Variants in VAX2 observed in about 807,000 individuals in gnomAD.
VAX2 encodes the protein ventral anterior homeobox 2.
In VAX2, 8 loss-of-function variants were observed where a neutral mutation model predicts 12.5. The observed-to-expected ratio is 0.64, with a 90% CI of 0.37 to 1.15. The LOEUF is 1.15. Among genes scored for constraint, VAX2 ranks in the 50% most tolerant of loss-of-function variants. The pLI is 0.01. For synonymous variants in VAX2, 183 were observed against 187.6 expected (o/e 0.98, Z 0.20); for missense variants, 476 against 412.9 (o/e 1.15, Z -1.32).
chr2:70,902,279 C>T (rs1388980395), intron 1 of VAX2, among the ~76,000 whole-genome samples: 5 of 152,190 alleles, frequency 3.3e-5, no homozygotes, highest in African/African-American at 1.2e-4. Context: ...GGGAAACATT[C>T]CTGGTGCCAG....
rs1206125519 is a variant in VAX2 at position 70,904,315 on chromosome 2, A to C, written c.247+3447A>C. Among the ~76,000 whole-genome samples the C allele has an allele frequency of 1.3e-5, 2 of 152,212 alleles. No homozygotes were observed. Among genetic ancestry groups the C allele is most frequent in the East Asian group, 3.9e-4 (2 of 5,192 alleles). On this transcript the variant is annotated intron_variant, in intron 1 of 2. Coordinates refer to ENST00000234392, the MANE Select transcript of VAX2 (RefSeq NM_012476.3). The surrounding 1 kb of genome is among the most constrained non-coding windows in gnomAD (Gnocchi z 4.2). ...AAACAGCACAGGGCAGTGGCCGAGC[A>C]CCAGGCTTTTCGGTGGAGCTGGGAT...
At chr2:70,924,652 G>T (rs1553413314) in intron 2 of VAX2, among the ~76,000 whole-genome samples, 1 of 152,138 alleles carries the variant, frequency 6.6e-6, no homozygotes, top group Non-Finnish European at 1.5e-5. Flanking sequence ...TAAGCAAACT[G>T]AGCCTCAGAG....
intron 1 of VAX2, among the ~76,000 whole-genome samples, chr2:70,914,718 T>C (rs1279808497): frequency 6.6e-6 from 1 of 152,210 alleles, no homozygotes; most frequent in African/African-American, 2.4e-5. Flanking sequence ...TCCTTTCATA[T>C]GTTTATTGGC....
chr2:70,932,012 G>A (rs1179582201), intron 2 of VAX2, among the ~76,000 whole-genome samples: 4 of 152,206 alleles, frequency 2.6e-5, no homozygotes, highest in Admixed American at 6.5e-5. Flanking sequence ...AGGTTCCCCC[G>A]TTCTGAGTTT....
intron 1 of VAX2, among the ~76,000 whole-genome samples, chr2:70,920,491 G>A (rs1323348583): frequency 1.3e-5 from 2 of 152,158 alleles, no homozygotes; most frequent in Admixed American, 1.3e-4. Context: ...GCATCCAGCA[G>A]CCTGATATGG....
At chr2:70,910,661 T>A (rs577171739) in intron 1 of VAX2, among the ~76,000 whole-genome samples, 2 of 152,174 alleles carry the variant, frequency 1.3e-5, no homozygotes, top group Admixed American at 1.3e-4. Flanking sequence ...TTTTCATATA[T>A]TTAGCCATTT....
intron 2 of VAX2, among the ~76,000 whole-genome samples, chr2:70,927,133 T>C (rs1679591689): frequency 1.3e-5 from 2 of 152,158 alleles, no homozygotes; most frequent in South Asian, 4.1e-4. Context: ...TTTTGTTTTT[T>C]CAGCACCTGG....
intron 1 of VAX2, among the ~76,000 whole-genome samples, chr2:70,912,437 A>G (rs1679207921): frequency 6.6e-6 from 1 of 152,052 alleles, no homozygotes; most frequent in African/African-American, 2.4e-5. Context: ...CAGAGGGGGC[A>G]GATCACTTGA....
intron 1 of VAX2, among the ~76,000 whole-genome samples, chr2:70,909,312 C>T (rs1169288752): frequency 9.2e-5 from 14 of 151,940 alleles, no homozygotes; most frequent in Non-Finnish European, 1.6e-4. Context: ...ACTATAGGCA[C>T]TCCCCACAAT....
chr2:70,907,298 G>C (rs1373399793), intron 1 of VAX2, among the ~76,000 whole-genome samples: 1 of 152,278 alleles, frequency 6.6e-6, no homozygotes, highest in Non-Finnish European at 1.5e-5. Flanking sequence ...GGCTGGAGCG[G>C]AGGTCTTGGG....
chr2:70,931,663 T>G (rs1221266593), intron 2 of VAX2, among the ~76,000 whole-genome samples: 1 of 152,208 alleles, frequency 6.6e-6, no homozygotes, highest in Non-Finnish European at 1.5e-5. Flanking sequence ...GTGTCCAGTT[T>G]CAGAATTCCC....
chr2:70,908,723 A>G (rs576644922), intron 1 of VAX2, among the ~76,000 whole-genome samples: 46 of 152,352 alleles, frequency 3.0e-4, no homozygotes, highest in African/African-American at 9.6e-4. Flanking sequence ...TGAAATTTGC[A>G]AGATAATGCC....
rs1679009185 is a variant in VAX2, at chr2:70,904,640, G to A, written c.247+3772G>A. ...CTCCGAACCCCTGTGTCTGGGAGCA[G>A]TAGGGTGGGATGACTGCAGGATCCC... On this transcript the variant is annotated intron_variant, in intron 1 of 2. Coordinates refer to ENST00000234392, the MANE Select transcript of VAX2 (RefSeq NM_012476.3). The surrounding 1 kb of genome is among the most constrained non-coding windows in gnomAD (Gnocchi z 4.2). Among the ~76,000 whole-genome samples the A allele has an allele frequency of 6.6e-6, 1 of 152,212 alleles. No individual in the cohort carries two copies. Among genetic ancestry groups the A allele is most frequent in the Non-Finnish European group, 1.5e-5 (1 of 68,034 alleles).
intron 1 of VAX2, among the ~76,000 whole-genome samples, chr2:70,917,316 T>C (rs1229631759): frequency 1.0e-5 from 1 of 96,734 alleles, no homozygotes; most frequent in African/African-American, 4.2e-5. Context: ...AGCGAGACTC[T>C]ATCTCCAAAT....
Position 70,900,691 on chromosome 2 carries a change from C to G in VAX2, c.70C>G (p.Arg24Gly), listed in dbSNP as rs2234496. Residue 24 changes from arginine (R) to glycine (G), a missense_variant, in exon 1 of 3, where the codon CGC becomes GGC. Arg to Gly is a moderately radical substitution (Grantham distance 125, BLOSUM62 -2). Coordinates refer to ENST00000234392, the MANE Select transcript of VAX2 (RefSeq NM_012476.3). ...RRAESGGGGG[R>G]CGDRSGAGDL... is the part of the protein sequence containing the mutation. ...GGCGGAGTCTGGTGGCGGCGGTGGG[C>G]GCTGCGGAGACCGCAGCGGAGCGGG... 1.8e-3 allele frequency: 2,447 copies of G among 1,326,858 alleles called. 41 individuals carry two copies. In the African/African-American group the frequency reaches 0.034, roughly 18 times the overall value. The allele number at this position is 1,326,858 out of a possible 1,614,324, so 82.2% of individuals were successfully genotyped here.
At chr2:70,931,214 T>A (rs1279271240) in intron 2 of VAX2, among the ~76,000 whole-genome samples, 1 of 152,200 alleles carries the variant, frequency 6.6e-6, no homozygotes, top group Admixed American at 6.5e-5. Context: ...TGTTGGGTAG[T>A]AGAGGCAGGG....
intron 1 of VAX2, among the ~76,000 whole-genome samples, chr2:70,914,057 C>A (rs1427373727): frequency 1.3e-5 from 2 of 152,158 alleles, no homozygotes; most frequent in Non-Finnish European, 2.9e-5. Flanking sequence ...AGGATGCTTT[C>A]AAATTTTTGG....
chr2:70,932,811 C>A lies in VAX2; in HGVS notation c.480C>A (p.Asp160Glu). ...FQNRRTKQKKDQSRDLEKRAS... is the reference protein window; with the variant it reads ...FQNRRTKQKKEQSRDLEKRAS... ...ACCGCCGCACCAAGCAGAAGAAAGA[C>A]CAGAGCAGAGACCTGGAGAAGCGGG... is the stretch of plus-strand genomic sequence containing the variant. The change falls in exon 3 of 3, where the codon GAC (aspartate) becomes GAA (glutamate). Residue 160 changes from aspartate (D) to glutamate (E), a missense_variant. By Grantham distance (45) the Asp-to-Glu change is conservative. Coordinates refer to ENST00000234392, the MANE Select transcript of VAX2 (RefSeq NM_012476.3). 1 of 1,606,812 alleles carries A rather than the reference C, an allele frequency of 6.2e-7. No individual in the cohort carries two copies. Among genetic ancestry groups the A allele is most frequent in the Non-Finnish European group, 8.5e-7 (1 of 1,176,460 alleles).
chr2:70,902,386 G>T (rs1313200764), intron 1 of VAX2, among the ~76,000 whole-genome samples: 1 of 152,242 alleles, frequency 6.6e-6, no homozygotes, highest in African/African-American at 2.4e-5. Context: ...GTGTGGACCT[G>T]TTGGGCACCA....
Sources: gnomAD v4.1 joint callset for allele counts (sites outside exome capture counted in the v4.1 genomes callset) on GRCh38, gnomAD v4.1.1 for gene constraint, Gnocchi (gnomAD v3.1) non-coding constraint, MANE v1.5 for transcripts, NCBI Gene and HGNC (gene_info 2026-07-23, HGNC 2026-07-21) for gene names.